The following CUBN variants were observed in gnomAD, a reference collection of about 807,000 sequenced individuals.
CUBN encodes the protein 460 kDa receptor.
CUBN carries 282 observed loss-of-function variants against 405.3 expected under a neutral mutation model. The ratio of observed to expected loss-of-function variants is 0.70; its 90% confidence interval spans 0.63 to 0.77. The LOEUF is 0.77. Among genes scored for constraint, CUBN ranks in the 30% least tolerant of loss-of-function variants. CUBN has a pLI of 0.00. For missense variants in CUBN, 4,514 were observed against 4,475.2 expected (o/e 1.01, Z -0.25); for synonymous variants, 1,684 against 1,617.0 (o/e 1.04, Z -0.99).
intron 62 of CUBN, 47 bp from the exon 63 acceptor site, chr10:16,836,429 A>G (rs1216778311): frequency 6.4e-7 from 1 of 1,554,586 alleles, no homozygotes; most frequent in Non-Finnish European, 8.9e-7. Flanking sequence ...GTCTTAGAAG[A>G]GAACAGGCCA....
chr10:16,953,571 T>C (rs560333939), intron 32 of CUBN, among the ~76,000 whole-genome samples: 1 of 152,238 alleles, frequency 6.6e-6, no homozygotes, highest in South Asian at 2.1e-4. Flanking sequence ...TAAAAAGGTC[T>C]TGGAGAAGTG....
chr10:17,001,179 C>A (rs1040540512), intron 28 of CUBN, among the ~76,000 whole-genome samples: 3 of 152,136 alleles, frequency 2.0e-5, no homozygotes. Flanking sequence ...AGGTGGAGAC[C>A]TTTGGAGTGA....
chr10:17,057,349 G>T (rs1835418161), intron 22 of CUBN, among the ~76,000 whole-genome samples: 2 of 152,078 alleles, frequency 1.3e-5, no homozygotes, highest in Admixed American at 1.3e-4. Flanking sequence ...TAACTTCTGG[G>T]TGTTGTCATG....
At chr10:16,883,570 T>C (rs1302286434) in intron 56 of CUBN, among the ~76,000 whole-genome samples, 2 of 152,246 alleles carry the variant, frequency 1.3e-5, no homozygotes, top group Admixed American at 1.3e-4. Flanking sequence ...AGCTCATTTA[T>C]TGTGCTTCTT....
intron 22 of CUBN, among the ~76,000 whole-genome samples, chr10:17,062,908 T>C (rs140817578): frequency 7.7e-4 from 118 of 152,332 alleles, no homozygotes; most frequent in Non-Finnish European, 1.5e-3. Flanking sequence ...CCTTGATGCT[T>C]TTCCCTGATG....
Position 16,831,390 on chromosome 10 carries a change from G to A in CUBN, c.10390C>T (p.Pro3464Ser). 3 of 1,614,006 alleles carry A rather than the reference G, an allele frequency of 1.9e-6. No individual in the cohort carries two copies. Among genetic ancestry groups the A allele is most frequent in the Non-Finnish European group, 2.5e-6 (3 of 1,179,852 alleles). Residue 3464 changes from proline (P) to serine (S), a missense_variant, in exon 65 of 67, where the codon CCA becomes TCA. Around this residue, in one of 5 missense-constraint regions of CUBN, gnomAD observed 1,186 missense variants for 1,186.9 expected, o/e 1.00. Transcript: ENST00000377833. The part of the protein sequence containing the change: ...EVRNGSNSNS[P>S]LLGKYCGTLL... The stretch of plus-strand genomic sequence containing the variant: ...GTTCCACAGTACTTGCCCAGTAATG[G>A]TGAATTGCTGTTACTTCCATTTCTC...
intron 26 of CUBN, among the ~76,000 whole-genome samples, chr10:17,042,810 C>T (rs1835046720): frequency 6.6e-6 from 1 of 152,032 alleles, no homozygotes; most frequent in Admixed American, 6.6e-5. Context: ...TGTTATTACT[C>T]TTTCAGTTAA....
At chr10:16,904,792 A>C (rs1841511197) in intron 50 of CUBN, among the ~76,000 whole-genome samples, 1 of 152,262 alleles carries the variant, frequency 6.6e-6, no homozygotes, top group Non-Finnish European at 1.5e-5. Context: ...TAGCTGACTG[A>C]AATTTGAGAT....
chr10:16,971,755 T>C (rs577290984), intron 31 of CUBN, among the ~76,000 whole-genome samples: 3 of 152,266 alleles, frequency 2.0e-5, no homozygotes, highest in African/African-American at 7.2e-5. Flanking sequence ...GGCTCTCACA[T>C]TCAGCTGCTC....
intron 54 of CUBN, among the ~76,000 whole-genome samples, chr10:16,896,288 G>A (rs747883954): frequency 1.3e-5 from 2 of 151,822 alleles, no homozygotes; most frequent in African/African-American, 4.8e-5. Flanking sequence ...CATGCTCCAC[G>A]GTTCTTTAAT....
intron 64 of CUBN, among the ~76,000 whole-genome samples, chr10:16,834,553 C>T (rs190253365): frequency 1.9e-4 from 29 of 152,316 alleles, no homozygotes; most frequent in African/African-American, 5.3e-4. Context: ...AGGATGTTGA[C>T]GATGCCCCAA....
At chr10:16,845,206 T>G (rs930526448) in intron 60 of CUBN, among the ~76,000 whole-genome samples, 2 of 152,246 alleles carry the variant, frequency 1.3e-5, no homozygotes, top group East Asian at 3.8e-4. Context: ...TTCTATGAAC[T>G]TTTAATGCAC....
intron 64 of CUBN, among the ~76,000 whole-genome samples, chr10:16,832,532 T>C (rs899291738): frequency 3.3e-5 from 5 of 152,152 alleles, no homozygotes; most frequent in Non-Finnish European, 7.4e-5. Context: ...CATCCACTAG[T>C]AGATGGGAGG....
chr10:16,841,896 G>A (rs1215407343), intron 60 of CUBN, among the ~76,000 whole-genome samples: 1 of 106,886 alleles, frequency 9.4e-6, no homozygotes, highest in African/African-American at 3.4e-5. Flanking sequence ...CTGGGTGACA[G>A]TGCAAGACTG....
At chr10:16,848,827 G>A (rs924050933) in intron 60 of CUBN, among the ~76,000 whole-genome samples, 5 of 148,938 alleles carry the variant, frequency 3.4e-5, no homozygotes, top group East Asian at 4.1e-4. Flanking sequence ...TCAGTCTCCC[G>A]AGAAGCTGGT....
At chr10:16,898,066 G>GTATATATATATATATATATA (rs10551726) in intron 54 of CUBN, among the ~76,000 whole-genome samples, 134 of 144,998 alleles carry the variant, frequency 9.2e-4, no homozygotes, top group Middle Eastern at 3.6e-3. Flanking sequence ...TTTATTATAT[G>GTATATATATATATATATATA]TATATATATA....
rs775357383 is a variant in CUBN, at chr10:16,851,263, C to G, written c.9635G>C (p.Arg3212Thr). The G allele has an allele frequency of 4.3e-6, 7 of 1,614,088 alleles. No individual in the cohort carries two copies. In the South Asian group the frequency reaches 7.7e-5, roughly 18 times the overall value. Residue 3212 changes from arginine (R) to threonine (T), a missense_variant, in exon 60 of 67, where the codon AGG becomes ACG. Transcript: ENST00000377833. ...NTFALEAAST[R>T]QRCLYDYVKL... ...TACATAATCATAAAGGCATCTTTGC[C>G]TAGTACTTGCTGCCTCCAGAGCAAA...
intron 31 of CUBN, among the ~76,000 whole-genome samples, chr10:16,975,209 C>A (rs1160172309): frequency 6.6e-6 from 1 of 152,228 alleles, no homozygotes; most frequent in Non-Finnish European, 1.5e-5. Flanking sequence ...AGCCCAAACT[C>A]CTCCCAGCAC....
intron 41 of CUBN, among the ~76,000 whole-genome samples, chr10:16,926,872 C>T (rs1842206817): frequency 1.3e-5 from 2 of 151,184 alleles, no homozygotes; most frequent in East Asian, 1.9e-4. Flanking sequence ...AGTGGTTTTT[C>T]GTTACATGGA....
Sources: gnomAD v4.1 joint callset for allele counts (sites outside exome capture counted in the v4.1 genomes callset) on GRCh38, gnomAD v4.1.1 for gene constraint, gnomAD v4.1.1 regional missense constraint, MANE v1.5 for transcripts, NCBI Gene and HGNC (gene_info 2026-07-23, HGNC 2026-07-21) for gene names.